ATG4B: variants seen among roughly 807,000 people sequenced by gnomAD.
ATG4B encodes the protein cysteine protease ATG4B.
ATG4B carries 29 observed loss-of-function variants against 56.6 expected under a neutral mutation model. The ratio of observed to expected loss-of-function variants is 0.51; its 90% CI spans 0.38 to 0.70. The LOEUF is 0.70. ATG4B is among the 30% of genes least tolerant of loss of function. The pLI is 0.00. For missense variants in ATG4B, 461 were observed against 515.5 expected (o/e 0.89, Z 1.02); for synonymous variants, 224 against 206.1 (o/e 1.09, Z -0.74).
intron 6 of ATG4B, among the ~76,000 whole-genome samples, chr2:241,656,222 G>A (rs1431394845): frequency 6.6e-6 from 1 of 152,142 alleles, no homozygotes; most frequent in Non-Finnish European, 1.5e-5. Flanking sequence ...CAGCATGGCA[G>A]TCACTGTCTC....
rs1169831114 is a variant in ATG4B, at chr2:241,672,755, G to GC, written c.*491_*492insC. On this transcript the variant is annotated 3_prime_UTR_variant, in exon 13 of 13. Transcript: ENST00000404914. ...CAAGGACTGGGCTGCTCTCGAGGGG[G>GC]GCGCGCCCACCGCTGTGTCCTCTCT... 1 of 172,806 alleles carries GC rather than the reference G, an allele frequency of 5.8e-6. No homozygotes were observed. Among genetic ancestry groups the GC allele is most frequent in the Non-Finnish European group, 1.3e-5 (1 of 79,388 alleles). 10.7% of individuals were successfully genotyped at this position (172,806 alleles called of 1,614,324 possible). A position where few individuals can be genotyped will look rare whatever the true frequency, so the allele number is the denominator to read the frequency against.
At chr2:241,661,506 T>A (rs1293162060) in intron 7 of ATG4B, among the ~76,000 whole-genome samples, 1 of 152,116 alleles carries the variant, frequency 6.6e-6, no homozygotes, top group African/African-American at 2.4e-5. Flanking sequence ...GAGGAAGAAG[T>A]CCGCAAAGCC....
Position 241,662,805 on chromosome 2 carries a change from G to A in ATG4B, c.538+3618G>A, listed in dbSNP as rs542821581. ...AAAATCAATAAAGCGGGCCGGGCGCGGTGGCTCACGCCTATAATCCCAACT... is the reference window on the plus strand; with the variant it reads ...AAAATCAATAAAGCGGGCCGGGCGCAGTGGCTCACGCCTATAATCCCAACT... On this transcript the variant is annotated intron_variant, in intron 7 of 12. Coordinates refer to ENST00000404914, the MANE Select transcript of ATG4B (RefSeq NM_013325.5). Among the ~76,000 whole-genome samples, 276 of 152,042 alleles carry A rather than the reference G, an allele frequency of 1.8e-3. 1 individual carries two copies. The highest frequency in any genetic ancestry group is 3.5e-3 in the South Asian group (17 of 4,808).
At chr2:241,638,849 A>C (rs2067780010) in intron 1 of ATG4B, among the ~76,000 whole-genome samples, 1 of 152,216 alleles carries the variant, frequency 6.6e-6, no homozygotes, top group African/African-American at 2.4e-5. Flanking sequence ...TCACGGTTGA[A>C]CTATTTGCAG....
intron 1 of ATG4B, among the ~76,000 whole-genome samples, chr2:241,647,210 C>T (rs2068087325): frequency 6.6e-6 from 1 of 152,208 alleles, no homozygotes; most frequent in African/African-American, 2.4e-5. Context: ...CTCTGCTGTA[C>T]TTTAAATAAA....
At position 241,644,297 on chromosome 2, in the gene ATG4B, C is replaced by A. The variant is rs546695463; in HGVS notation, c.10+6573C>A. Among the ~76,000 whole-genome samples the A allele has an allele frequency of 7.0e-4, 106 of 152,252 alleles. 2 individuals carry two copies. In the South Asian group the frequency reaches 0.022, roughly 31 times the overall value. On this transcript the variant is annotated intron_variant, in intron 1 of 12. Coordinates refer to ENST00000404914, the MANE Select transcript of ATG4B (RefSeq NM_013325.5). ...GGGGGAGGTTGCAGTGAGCTGAGAT[C>A]ACACCACTGCACTCCAGCTTGGGTG... is the stretch of plus-strand genomic sequence containing the variant.
At chr2:241,661,180 C>G (rs1288886143) in intron 7 of ATG4B, among the ~76,000 whole-genome samples, 1 of 152,214 alleles carries the variant, frequency 6.6e-6, no homozygotes, top group Non-Finnish European at 1.5e-5. Context: ...GATGTGGAGG[C>G]TGCCTGGTCT....
At position 241,663,110 on chromosome 2, in the gene ATG4B, G is replaced by A. The variant is rs548994353; in HGVS notation, c.539-3535G>A. On this transcript the variant is annotated intron_variant, in intron 7 of 12. Transcript: ENST00000404914. ...TAGCTGGGCATGGTGGCACGCCCTC[G>A]TAATCCCAGCTGCTCGGGAAGCTGA... 4.6e-5 allele frequency among the ~76,000 whole-genome samples: 7 copies of A among 152,278 alleles called. No individual in the cohort carries two copies. In the East Asian group the frequency reaches 1.3e-3, roughly 29 times the overall value.
chr2:241,669,312 A>G (rs2068882875), intron 10 of ATG4B, among the ~76,000 whole-genome samples: 2 of 152,306 alleles, frequency 1.3e-5, no homozygotes, highest in South Asian at 4.1e-4. Flanking sequence ...ATGCTCAGGG[A>G]AGCAGTTAAC....
intron 1 of ATG4B, chr2:241,638,295 CGAGAAA>C (rs1230534981): frequency 2.6e-5 from 4 of 152,084 alleles, no homozygotes; most frequent in African/African-American, 4.8e-5. Context: ...TTTTCCGTGA[CGAGAAA>C]GAGAAACAGT....
chr2:241,660,606 GAA>G (rs2068561550), intron 7 of ATG4B, among the ~76,000 whole-genome samples: 1 of 152,132 alleles, frequency 6.6e-6, no homozygotes, highest in Admixed American at 6.5e-5. Context: ...AGAGTACAAA[GAA>G]AGAGAAAAAT....
intron 1 of ATG4B, among the ~76,000 whole-genome samples, chr2:241,648,124 A>G (rs2068117690): frequency 6.6e-6 from 1 of 152,188 alleles, no homozygotes; most frequent in African/African-American, 2.4e-5. Context: ...AAAAGAATAA[A>G]AAAAAGGCAT....
chr2:241,669,360 TAGG>T (rs2068884808), intron 10 of ATG4B, among the ~76,000 whole-genome samples: 1 of 152,184 alleles, frequency 6.6e-6, no homozygotes, highest in Admixed American at 6.5e-5. Context: ...CCGCCCCATT[TAGG>T]AGGAAGAAGG....
rs2069003830 is a variant in ATG4B at position 241,672,288 on chromosome 2, C to T, written c.*24C>T. ...GAAAATCCTGGGGTCGGGGGTGGCA[C>T]CTGTGAGAGCCTGGGGCTCCTGGTG... On this transcript the variant is annotated 3_prime_UTR_variant, in exon 13 of 13. Coordinates refer to ENST00000404914, the MANE Select transcript of ATG4B (RefSeq NM_013325.5). 3 of 1,540,428 alleles carry T rather than the reference C, an allele frequency of 1.9e-6. No homozygotes were observed. Among genetic ancestry groups the T allele is most frequent in the Middle Eastern group, 1.7e-4 (1 of 5,910 alleles).
intron 1 of ATG4B, among the ~76,000 whole-genome samples, chr2:241,647,745 G>T (rs888798717): frequency 2.0e-5 from 3 of 152,124 alleles, no homozygotes; most frequent in African/African-American, 7.2e-5. Flanking sequence ...TCAAAGAATA[G>T]TAGGGACTTC....
chr2:241,658,911 C>G (rs141430969), intron 6 of ATG4B, among the ~76,000 whole-genome samples, 197 bp from the exon 7 acceptor site: 161 of 152,386 alleles, frequency 1.1e-3, no homozygotes, highest in African/African-American at 3.7e-3. Context: ...CCCTGGGCCT[C>G]AGGCGAGAAG....
At chr2:241,655,060 C>T in intron 5 of ATG4B, 1 of 595,970 alleles carries the variant, frequency 1.7e-6, no homozygotes, top group Non-Finnish European at 3.0e-6. Flanking sequence ...CTTCATTTCC[C>T]CTCCTTTTCT....
At position 241,671,516 on chromosome 2, in the gene ATG4B, C is replaced by G. The variant is rs192994562; in HGVS notation, c.1108+111C>G. ...CATTAAGGTGTGTGTGAGCCTGAGC[C>G]GTGAGCACTTGGCAGTGGTTCGCCT... On this transcript the variant is annotated intron_variant, in intron 12 of 12. Coordinates refer to ENST00000404914, the MANE Select transcript of ATG4B (RefSeq NM_013325.5). 1.9e-6 allele frequency: 3 copies of G among 1,549,304 alleles called. No homozygotes were observed. The African/African-American group carries it at 4.1e-5, about 21-fold the overall frequency.
chr2:241,650,690 G>A (rs2068203109), intron 1 of ATG4B, among the ~76,000 whole-genome samples: 1 of 151,946 alleles, frequency 6.6e-6, no homozygotes, highest in Non-Finnish European at 1.5e-5. Context: ...CCCTAACTTG[G>A]CCTCTCACCC....
Sources: gnomAD v4.1 joint callset for allele counts (sites outside exome capture counted in the v4.1 genomes callset) on GRCh38, gnomAD v4.1.1 for gene constraint, MANE v1.5 for transcripts, NCBI Gene and HGNC (gene_info 2026-07-23, HGNC 2026-07-21) for gene names.